The following TSHZ2 variants were observed in gnomAD, a reference collection of about 807,000 sequenced individuals.
TSHZ2 encodes the protein teashirt zinc finger homeobox 2.
Under a neutral mutation model 74.4 loss-of-function variants are expected in TSHZ2, and 21 were observed. The observed-to-expected ratio is 0.28, with a 90% CI of 0.20 to 0.41. The LOEUF (loss-of-function observed/expected upper bound fraction) is 0.41. Ranked by LOEUF, TSHZ2 falls within the 10% of genes least tolerant of loss-of-function variation. The pLI, the probability that TSHZ2 is intolerant of heterozygous loss-of-function variation, is 1.00. For synonymous variants in TSHZ2, 540 were observed against 515.3 expected, an observed-to-expected ratio of 1.05 and a Z score of -0.65; for missense variants, 1,244 against 1,293.5, an observed-to-expected ratio of 0.96 and a Z score of 0.59.
chr20:53,431,855 C>T lies in TSHZ2; in HGVS notation c.*9-55289C>T, dbSNP rs138079593. Among the ~76,000 whole-genome samples the T allele has an allele frequency of 4.1e-3, 620 of 152,212 alleles. 1 individual carries two copies. Among genetic ancestry groups the T allele is most frequent in the South Asian group, 0.012 (60 of 4,820 alleles). On this transcript the variant is annotated intron_variant, in intron 2 of 2. Coordinates refer to ENST00000371497, the MANE Select transcript of TSHZ2 (RefSeq NM_173485.6). ...CCAGAAAATACACATAATAAAAACA[C>T]GTAAATAACAGTCAATTATTACCAT...
At chr20:53,260,375 C>T (rs1990579155) in intron 2 of TSHZ2, among the ~76,000 whole-genome samples, 1 of 152,300 alleles carries the variant, frequency 6.6e-6, no homozygotes, top group African/African-American at 2.4e-5. Flanking sequence ...CTCTGAGCCT[C>T]ACTCATTCAT....
At chr20:53,361,901 GTGT>G (rs140420719) in intron 2 of TSHZ2, among the ~76,000 whole-genome samples, 13,737 of 137,202 alleles carry the variant, frequency 0.1, 1,498 homozygotes, top group African/African-American at 0.28. Context: ...GTTGTTGTTT[GTGT>G]TGTTGTTGTT....
At chr20:53,184,444 T>C (rs1958733728) in intron 1 of TSHZ2, among the ~76,000 whole-genome samples, 1 of 152,194 alleles carries the variant, frequency 6.6e-6, no homozygotes, top group Non-Finnish European at 1.5e-5. Flanking sequence ...TTACTCCTTT[T>C]TAAAAATAAT....
At chr20:53,348,104 T>G (rs1464769249) in intron 2 of TSHZ2, among the ~76,000 whole-genome samples, 4 of 152,154 alleles carry the variant, frequency 2.6e-5, no homozygotes, top group Non-Finnish European at 5.9e-5. Context: ...CTCAATAAGA[T>G]AAACATGAAG....
At position 53,229,904 on chromosome 20, in the gene TSHZ2, GGA is replaced by G. The variant is rs1491302193; in HGVS notation, c.41-23594_41-23593del. Among the ~76,000 whole-genome samples the G allele has an allele frequency of 4.4e-5, 3 of 68,260 alleles. No individual in the cohort carries two copies. In the African/African-American group the frequency reaches 4.5e-4, roughly 10 times the overall value. The allele number at this position is 68,260 out of a possible 152,430, so 44.8% of individuals were successfully genotyped here. A position where few individuals can be genotyped will look rare whatever the true frequency, so the allele number is the denominator to read the frequency against. On this transcript the variant is annotated intron_variant, in intron 1 of 2. Transcript: ENST00000371497. ...AAAGGAAGGAAAAGAGAGAGGGAGG[GGA>G]AAAAAAGAGAAAGAAGAAGGAAGAG...
intron 1 of TSHZ2, among the ~76,000 whole-genome samples, chr20:53,157,358 A>G (rs1178679729): frequency 6.6e-6 from 1 of 150,700 alleles, no homozygotes; most frequent in Non-Finnish European, 1.5e-5. Context: ...AATTCATTTT[A>G]CTAATGTTCT....
At chr20:53,112,060 G>C (rs1237193684) in intron 1 of TSHZ2, among the ~76,000 whole-genome samples, 2 of 152,138 alleles carry the variant, frequency 1.3e-5, no homozygotes, top group Admixed American at 1.3e-4. Context: ...CAGAATATGG[G>C]CCTTCCCTCA....
chr20:53,275,541 G>A (rs1392502208), intron 2 of TSHZ2, among the ~76,000 whole-genome samples: 2 of 152,178 alleles, frequency 1.3e-5, no homozygotes, highest in South Asian at 2.1e-4. Flanking sequence ...GCAGGTCGAT[G>A]AGCACAAGCC....
chr20:53,347,490 A>T (rs1386518007), intron 2 of TSHZ2, among the ~76,000 whole-genome samples: 2 of 152,002 alleles, frequency 1.3e-5, no homozygotes, highest in Non-Finnish European at 2.9e-5. Context: ...ACAAGTCCTT[A>T]TCCACCCCCC....
intron 2 of TSHZ2, among the ~76,000 whole-genome samples, chr20:53,334,069 G>C (rs957501738): frequency 6.6e-6 from 1 of 152,188 alleles, no homozygotes; most frequent in African/African-American, 2.4e-5. Context: ...TTCATCCTGG[G>C]CCCACATTCT....
At chr20:53,296,955 T>A (rs956683533) in intron 2 of TSHZ2, among the ~76,000 whole-genome samples, 2 of 152,198 alleles carry the variant, frequency 1.3e-5, no homozygotes, top group Admixed American at 6.5e-5. Flanking sequence ...CCAAAGTGAA[T>A]CCAGGATCTT....
chr20:53,141,209 C>G (rs758262146), intron 1 of TSHZ2, among the ~76,000 whole-genome samples: 22 of 152,150 alleles, frequency 1.4e-4, no homozygotes, highest in African/African-American at 5.1e-4. Flanking sequence ...GAGCAGACAG[C>G]AAAATGAGCT....
At chr20:53,242,648 A>G (rs1600762819) in intron 1 of TSHZ2, among the ~76,000 whole-genome samples, 1 of 151,688 alleles carries the variant, frequency 6.6e-6, no homozygotes, top group Non-Finnish European at 1.5e-5. Context: ...GTGAGTTTAA[A>G]CCCATGTGCA....
chr20:53,009,624 A>C (rs1341885980), intron 1 of TSHZ2, among the ~76,000 whole-genome samples: 1 of 152,202 alleles, frequency 6.6e-6, no homozygotes, highest in Non-Finnish European at 1.5e-5. Context: ...CTACTGTAAA[A>C]AGAGAAATAG....
intron 1 of TSHZ2, among the ~76,000 whole-genome samples, chr20:53,190,664 A>G (rs1988716761): frequency 6.6e-6 from 1 of 152,244 alleles, no homozygotes; most frequent in African/African-American, 2.4e-5. Flanking sequence ...CATAAGTGAC[A>G]TGTAACTGCA....
chr20:53,472,184 T>C (rs928984322), intron 2 of TSHZ2, among the ~76,000 whole-genome samples: 1 of 152,162 alleles, frequency 6.6e-6, no homozygotes, highest in African/African-American at 2.4e-5. Flanking sequence ...GTTTGCTATA[T>C]GGAAAGTTAT....
At chr20:53,050,012 C>T (rs771764524) in intron 1 of TSHZ2, among the ~76,000 whole-genome samples, 11 of 149,548 alleles carry the variant, frequency 7.4e-5, no homozygotes, top group Non-Finnish European at 1.2e-4. Flanking sequence ...AACCTGGAGG[C>T]GGACGTTGCA....
At chr20:53,038,884 T>TTTGTTTGTTTG (rs5841924) in intron 1 of TSHZ2, among the ~76,000 whole-genome samples, 7 of 144,238 alleles carry the variant, frequency 4.9e-5, no homozygotes, top group African/African-American at 1.9e-4. Flanking sequence ...GTTTGTTTTG[T>TTTGTTTGTTTG]TTTGTTTGTT....
At chr20:53,033,791 C>T (rs992061309) in intron 1 of TSHZ2, among the ~76,000 whole-genome samples, 1 of 148,560 alleles carries the variant, frequency 6.7e-6, no homozygotes, top group Non-Finnish European at 1.5e-5. Context: ...TCCTGAGGAA[C>T]TAGGACTGCA....
Sources: gnomAD v4.1 joint callset for allele counts (sites outside exome capture counted in the v4.1 genomes callset) on GRCh38, gnomAD v4.1.1 for gene constraint, MANE v1.5 for transcripts, NCBI Gene and HGNC (gene_info 2026-07-23, HGNC 2026-07-21) for gene names.